Variants in ZNF107 observed in about 807,000 individuals in gnomAD.
ZNF107 encodes the protein zinc finger protein 107, also known as C2H2 type zinc-finger protein.
Under a neutral mutation model 12.3 loss-of-function variants are expected in ZNF107, and 19 were observed. That is an observed-to-expected ratio of 1.55 (90% CI 1.08 to 2.27). The LOEUF (loss-of-function observed/expected upper bound fraction) is 2.27. ZNF107 is among the 30% of genes most tolerant of loss of function. The pLI, the probability that ZNF107 is intolerant of heterozygous loss-of-function variation, is 0.00. For missense variants in ZNF107, 958 were observed against 979.9 expected, an observed-to-expected ratio of 0.98 and a Z score of 0.30; for synonymous variants, 317 against 330.5, an observed-to-expected ratio of 0.96 and a Z score of 0.44.
In ZNF107 at chr7:64,706,380, T is replaced by C. The variant is rs765681624; in HGVS notation, c.283T>C (p.Phe95Leu). 2 of 1,610,322 alleles carry C rather than the reference T, an allele frequency of 1.2e-6. No individual in the cohort carries two copies. The highest frequency in any genetic ancestry group is 1.6e-4 in the Middle Eastern group (1 of 6,070). ...LWPEQNIKDSFQKVTLRRYGK... is the reference protein window; with the variant it reads ...LWPEQNIKDSLQKVTLRRYGK... ...GCCAGAGCAGAACATAAAAGATTCT[T>C]TCCAGAAAGTGACACTGAGAAGATA... Residue 95 changes from phenylalanine (F) to leucine (L), a missense_variant, in exon 4 of 4, where the codon TTC (phenylalanine) becomes CTC (leucine). Physicochemically the swap from Phe to Leu is conservative, Grantham distance 22 (BLOSUM62 0). Transcript: ENST00000620827.
chr7:64,680,921 C>T (rs759105277), intron 1 of ZNF107, among the ~76,000 whole-genome samples: 3 of 152,116 alleles, frequency 2.0e-5, no homozygotes, highest in African/African-American at 4.8e-5. Context: ...GCATCCAGAC[C>T]GCAGCGCCCA....
intron 1 of ZNF107, among the ~76,000 whole-genome samples, chr7:64,673,837 G>A (rs150818424): frequency 1.3e-5 from 2 of 152,158 alleles, no homozygotes; most frequent in East Asian, 1.9e-4. Flanking sequence ...AATTCTTCCC[G>A]CATTCCTCAT....
Position 64,697,302 on chromosome 7 carries a change from G to A in ZNF107, c.226+5342G>A, listed in dbSNP as rs565293252. On this transcript the variant is annotated intron_variant, in intron 3 of 3. Transcript: ENST00000620827. The stretch of plus-strand genomic sequence containing the variant: ...TACATGTGCATGTGTCTTTATAGCA[G>A]CATGATTTATAATCCTTTGGGTATA... Among the ~76,000 whole-genome samples the A allele has an allele frequency of 2.0e-5, 3 of 152,294 alleles. No homozygotes were observed. In the South Asian group the frequency reaches 6.2e-4, roughly 32 times the overall value.
At chr7:64,672,656 C>G (rs1789277497) in intron 1 of ZNF107, among the ~76,000 whole-genome samples, 1 of 152,212 alleles carries the variant, frequency 6.6e-6, no homozygotes, top group African/African-American at 2.4e-5. Flanking sequence ...AGCCACCGTG[C>G]CCTACCATAC....
chr7:64,698,027 C>A (rs182406454), intron 3 of ZNF107, among the ~76,000 whole-genome samples: 1 of 152,088 alleles, frequency 6.6e-6, no homozygotes. Flanking sequence ...TGTTTTTCAC[C>A]AGAAGTCAAT....
At chr7:64,689,202 C>T (rs899082506) in intron 1 of ZNF107, among the ~76,000 whole-genome samples, 1 of 152,086 alleles carries the variant, frequency 6.6e-6, no homozygotes, top group Admixed American at 6.5e-5. Flanking sequence ...TGCTGTAACA[C>T]CCAAAAATGC....
Position 64,697,923 on chromosome 7 carries a change from G to A in ZNF107, c.226+5963G>A, listed in dbSNP as rs574457774. On this transcript the variant is annotated intron_variant, in intron 3 of 3. Transcript: ENST00000620827. ...TCTCGAACTCCTGACCTCGTGATCC[G>A]CCCACCTCGGCCTCCCAAAGTGCTG... is the stretch of plus-strand genomic sequence containing the variant. 8.2e-4 allele frequency among the ~76,000 whole-genome samples: 125 copies of A among 152,078 alleles called. No individual in the cohort carries two copies. In the Middle Eastern group the frequency reaches 0.01, roughly 12 times the overall value.
chr7:64,700,616 T>C (rs1790447213), intron 3 of ZNF107, among the ~76,000 whole-genome samples: 1 of 131,958 alleles, frequency 7.6e-6, no homozygotes, highest in Non-Finnish European at 1.6e-5. Context: ...CCCAGCTCAC[T>C]GCAACCTCAG....
intron 1 of ZNF107, among the ~76,000 whole-genome samples, chr7:64,672,790 C>A (rs969156655): frequency 1.3e-5 from 2 of 152,182 alleles, no homozygotes; most frequent in Admixed American, 6.5e-5. Context: ...ATTTATATTT[C>A]TTTGGGTATA....
rs200568158 is a variant in ZNF107, at chr7:64,707,776, C to G, written c.1679C>G (p.Thr560Ser). ...CTTACTAAACATAAGAGAATTCATA[C>G]TGGAGAAAAACCCTATAAATGTGAA... The part of the protein sequence containing the change: ...STLTKHKRIH[T>S]GEKPYKCEEC... The change falls in exon 4 of 4, where the codon ACT becomes AGT. Residue 560 changes from threonine to serine, a missense_variant. By Grantham distance (58) the Thr-to-Ser change is moderately conservative. Coordinates refer to ENST00000620827, the MANE Select transcript of ZNF107 (RefSeq NM_001282359.2). 41 of 1,611,858 alleles carry G rather than the reference C, an allele frequency of 2.5e-5. No homozygotes were observed. The highest frequency in any genetic ancestry group is 3.4e-5 in the Non-Finnish European group (40 of 1,179,382).
intron 3 of ZNF107, among the ~76,000 whole-genome samples, chr7:64,699,977 GA>G (rs1213947039): frequency 6.8e-6 from 1 of 147,804 alleles, no homozygotes; most frequent in African/African-American, 2.5e-5. Flanking sequence ...TGAGGCAAGA[GA>G]ATGGTGTGAA....
Position 64,707,295 on chromosome 7 carries a change from G to T in ZNF107, c.1198G>T (p.Glu400Ter). Residue 400 changes from glutamate (E) to a stop codon, truncating the protein, a stop_gained, in exon 4 of 4, where the codon GAA becomes TAA. Transcript: ENST00000620827. LOFTEE classifies it low-confidence loss of function (END_TRUNC). ...AATGGAAGAGAAACCCTACAAATGT[G>T]AAGAATGTGGCAAAGTCTTTAACCA... ...ILMEEKPYKC[E>*]ECGKVFNQFS... The T allele has an allele frequency of 6.2e-7, 1 of 1,612,574 alleles. No individual in the cohort carries two copies. The highest frequency in any genetic ancestry group is 1.1e-5 in the South Asian group (1 of 91,000).
intron 1 of ZNF107, among the ~76,000 whole-genome samples, chr7:64,668,274 T>G (rs1289667746): frequency 6.6e-6 from 1 of 151,532 alleles, no homozygotes; most frequent in Non-Finnish European, 1.5e-5. Flanking sequence ...TCATTTAGCA[T>G]TAGGTATATC....
intron 3 of ZNF107, among the ~76,000 whole-genome samples, chr7:64,699,612 G>T (rs2128965916): frequency 6.6e-6 from 1 of 152,218 alleles, no homozygotes; most frequent in South Asian, 2.1e-4. Flanking sequence ...TTTATTATTT[G>T]TAGGAACAGG....
chr7:64,702,241 C>T (rs1033908834), intron 3 of ZNF107, among the ~76,000 whole-genome samples: 1 of 151,878 alleles, frequency 6.6e-6, no homozygotes, highest in Non-Finnish European at 1.5e-5. Flanking sequence ...CTCCGCCCCA[C>T]TAGGTTCAAG....
At chr7:64,688,417 C>T (rs187366427) in intron 1 of ZNF107, among the ~76,000 whole-genome samples, 98 of 152,042 alleles carry the variant, frequency 6.4e-4, no homozygotes, top group Non-Finnish European at 1.1e-3. Flanking sequence ...CCAAGACGTA[C>T]AGCTAATTTT....
chr7:64,666,296 T>A lies in ZNF107; in HGVS notation c.3+11T>A, dbSNP rs1208284406. On this transcript the variant is annotated intron_variant, in intron 1 of 3. Transcript: ENST00000620827. ...GGAAACCTAGAAATGGTGAGAGTGCTGGGTCCGACATCCCGAGAGAGGGGG... is the reference window on the plus strand; with the variant it reads ...GGAAACCTAGAAATGGTGAGAGTGCAGGGTCCGACATCCCGAGAGAGGGGG... 8.7e-6 allele frequency: 14 copies of A among 1,609,494 alleles called. No homozygotes were observed. The South Asian group carries it at 1.4e-4, about 16-fold the overall frequency.
chr7:64,693,929 C>G (rs1430232877), intron 3 of ZNF107, among the ~76,000 whole-genome samples: 3 of 152,156 alleles, frequency 2.0e-5, no homozygotes, highest in Admixed American at 6.5e-5. Flanking sequence ...GCTGGGATTA[C>G]AGATGTGTGC....
chr7:64,683,188 T>C (rs930124122), intron 1 of ZNF107, among the ~76,000 whole-genome samples: 8 of 152,198 alleles, frequency 5.3e-5, no homozygotes, highest in African/African-American at 1.9e-4. Flanking sequence ...TTTATACTGA[T>C]TCCAGGTATG....
Sources: gnomAD v4.1 joint callset for allele counts (sites outside exome capture counted in the v4.1 genomes callset) on GRCh38, gnomAD v4.1.1 for gene constraint, MANE v1.5 for transcripts, NCBI Gene and HGNC (gene_info 2026-07-23, HGNC 2026-07-21) for gene names.